The following PTPRD variants were observed in gnomAD, a reference collection of about 807,000 sequenced individuals.
PTPRD encodes receptor-type tyrosine-protein phosphatase delta.
In PTPRD, 34 loss-of-function variants were observed where a neutral mutation model predicts 214.5. The observed-to-expected ratio is 0.16, with a 90% CI of 0.12 to 0.21. PTPRD has a LOEUF of 0.21. PTPRD is among the 10% of genes least tolerant of loss of function. The probability of loss-of-function intolerance (pLI) is 1.00; values close to 1 mark genes in which losing one functional copy is unlikely to be tolerated. For missense variants in PTPRD, 2,545 were observed against 2,398.7 expected (o/e 1.06, Z -1.27); for synonymous variants, 1,128 against 845.7 (o/e 1.33, Z -5.79).
chr9:8,376,186 T>A, intron 38 of PTPRD, 96 bp from the exon 39 acceptor site: 2 of 1,409,700 alleles, frequency 1.4e-6, no homozygotes, highest in Non-Finnish European at 1.9e-6. Context: ...TGTGCTATTT[T>A]AATTCCTTTC....
chr9:9,614,052 A>C (rs574471852), intron 7 of PTPRD, among the ~76,000 whole-genome samples: 14 of 152,192 alleles, frequency 9.2e-5, no homozygotes, highest in African/African-American at 2.9e-4. Flanking sequence ...CAATGTACTC[A>C]GTACAGTGTC....
intron 8 of PTPRD, among the ~76,000 whole-genome samples, chr9:9,432,556 G>A (rs957846321): frequency 6.6e-6 from 1 of 152,132 alleles, no homozygotes; most frequent in African/African-American, 2.4e-5. Flanking sequence ...AATTTACTTT[G>A]CAGCTCTCTC....
intron 11 of PTPRD, among the ~76,000 whole-genome samples, chr9:8,744,309 GAAGAA>G (rs1428207010): frequency 1.3e-5 from 2 of 151,972 alleles, no homozygotes; most frequent in South Asian, 2.1e-4. Flanking sequence ...TATCTACCTA[GAAGAA>G]AAGAAGTCAT....
chr9:8,957,384 G>C (rs544168259), intron 11 of PTPRD, among the ~76,000 whole-genome samples: 1 of 151,340 alleles, frequency 6.6e-6, no homozygotes, highest in East Asian at 1.9e-4. Flanking sequence ...TTTTTTTATA[G>C]CCTTGTCTAC....
chr9:8,881,801 T>C (rs1301806143), intron 11 of PTPRD, among the ~76,000 whole-genome samples: 1 of 152,250 alleles, frequency 6.6e-6, no homozygotes, highest in African/African-American at 2.4e-5. Context: ...CATAGTTTTC[T>C]CTGTAGCAGT....
At chr9:10,311,255 T>C (rs1013411710) in intron 3 of PTPRD, among the ~76,000 whole-genome samples, 3 of 151,962 alleles carry the variant, frequency 2.0e-5, no homozygotes, top group African/African-American at 7.2e-5. Context: ...AAAAATTTAG[T>C]CTTCACAATG....
At chr9:8,953,736 CAT>C (rs2099116158) in intron 11 of PTPRD, among the ~76,000 whole-genome samples, 1 of 151,994 alleles carries the variant, frequency 6.6e-6, no homozygotes, top group Non-Finnish European at 1.5e-5. Flanking sequence ...AACCCACAAA[CAT>C]ATGAAAAAAT....
At chr9:9,459,975 T>C (rs923643071) in intron 8 of PTPRD, among the ~76,000 whole-genome samples, 3 of 151,932 alleles carry the variant, frequency 2.0e-5, no homozygotes, top group African/African-American at 4.8e-5. Flanking sequence ...CAAAACACCA[T>C]GGAACTGGTA....
At chr9:10,588,360 C>T (rs1249764726) in intron 2 of PTPRD, among the ~76,000 whole-genome samples, 1 of 150,764 alleles carries the variant, frequency 6.6e-6, no homozygotes, top group Non-Finnish European at 1.5e-5. Context: ...AACTATCTTA[C>T]AAACTCTGTT....
chr9:8,525,109 TAAC>T (rs767266397), intron 17 of PTPRD, 74 bp from the exon 18 acceptor site: 3 of 1,282,088 alleles, frequency 2.3e-6, no homozygotes, highest in African/African-American at 1.5e-5. Flanking sequence ...CTAAACCTCT[TAAC>T]AATATGAAAA....
chr9:8,961,182 T>C (rs1033741579), intron 11 of PTPRD, among the ~76,000 whole-genome samples: 1 of 152,080 alleles, frequency 6.6e-6, no homozygotes, highest in Non-Finnish European at 1.5e-5. Context: ...AGGAGCTACA[T>C]TGCAAGCTTA....
At chr9:9,848,685 A>G (rs1293138809) in intron 5 of PTPRD, among the ~76,000 whole-genome samples, 1 of 152,124 alleles carries the variant, frequency 6.6e-6, no homozygotes, top group African/African-American at 2.4e-5. Context: ...AAAATATATC[A>G]CACAAAATAG....
chr9:10,459,720 T>C (rs765506347), intron 2 of PTPRD, among the ~76,000 whole-genome samples: 3 of 152,096 alleles, frequency 2.0e-5, no homozygotes, highest in Non-Finnish European at 2.9e-5. Flanking sequence ...GAAGTGTCTG[T>C]TCACACCCTT....
chr9:8,805,861 G>C (rs2096666905), intron 11 of PTPRD, among the ~76,000 whole-genome samples: 1 of 150,706 alleles, frequency 6.6e-6, no homozygotes, highest in African/African-American at 2.4e-5. Flanking sequence ...CGGGCATGGT[G>C]GTGGACACCT....
intron 27 of PTPRD, among the ~76,000 whole-genome samples, chr9:8,490,291 A>C (rs2097124488): frequency 6.6e-6 from 1 of 152,168 alleles, no homozygotes. Flanking sequence ...ATTCTCTTAC[A>C]TTCTTTTAAA....
intron 35 of PTPRD, among the ~76,000 whole-genome samples, chr9:8,428,773 T>C (rs1451912083): frequency 6.6e-6 from 1 of 152,206 alleles, no homozygotes; most frequent in Non-Finnish European, 1.5e-5. Context: ...AATTATAAAC[T>C]AATAGAAAGC....
At chr9:8,704,833 G>A (rs998277696) in intron 12 of PTPRD, among the ~76,000 whole-genome samples, 2 of 151,926 alleles carry the variant, frequency 1.3e-5, no homozygotes, top group African/African-American at 4.8e-5. Flanking sequence ...TGAGGCAGGA[G>A]AATCATGTGA....
chr9:9,381,341 C>T lies in PTPRD; in HGVS notation c.-203+16108G>A, dbSNP rs1383388147. On this transcript the variant is annotated intron_variant, in intron 9 of 45. Transcript: ENST00000381196. Reference sequence around the variant, plus strand: ...TATACGATTCAATTTTCTCTCTTTTCTTAGTACATCAGTTATGCTTTTTTT... The same window carrying T: ...TATACGATTCAATTTTCTCTCTTTTTTTAGTACATCAGTTATGCTTTTTTT... Among the ~76,000 whole-genome samples, 3 of 147,372 alleles carry T rather than the reference C, an allele frequency of 2.0e-5. No individual in the cohort carries two copies. The East Asian group carries it at 5.9e-4, about 29-fold the overall frequency.
intron 3 of PTPRD, among the ~76,000 whole-genome samples, chr9:10,295,284 A>G (rs1370463921): frequency 6.6e-6 from 1 of 152,108 alleles, no homozygotes; most frequent in African/African-American, 2.4e-5. Context: ...AATTAGTTTC[A>G]TTGCTAAAAG....
Sources: gnomAD v4.1 joint callset for allele counts (sites outside exome capture counted in the v4.1 genomes callset) on GRCh38, gnomAD v4.1.1 for gene constraint, MANE v1.5 for transcripts, NCBI Gene and HGNC (gene_info 2026-07-23, HGNC 2026-07-21) for gene names.